The following MKLN1 variants were observed in gnomAD, a reference collection of about 807,000 sequenced individuals.
MKLN1 encodes muskelin.
MKLN1 carries 18 observed loss-of-function variants against 99.0 expected under a neutral mutation model. The ratio of observed to expected loss-of-function variants is 0.18; its 90% CI spans 0.13 to 0.27. MKLN1 has a LOEUF of 0.27. Among genes scored for constraint, MKLN1 ranks in the 10% least tolerant of loss-of-function variants. The pLI, the probability that MKLN1 is intolerant of heterozygous loss-of-function variation, is 1.00. For missense variants in MKLN1, 621 were observed against 875.9 expected (o/e 0.71, Z 3.67); for synonymous variants, 288 against 293.2 (o/e 0.98, Z 0.18).
At position 131,496,066 on chromosome 7, in the gene MKLN1, C is replaced by T. The variant is rs1797550056; in HGVS notation, c.*8338C>T. The T allele has an allele frequency of 6.6e-6, 1 of 151,066 alleles. No homozygotes were observed. Among genetic ancestry groups the T allele is most frequent in the Non-Finnish European group, 1.5e-5 (1 of 67,962 alleles). 9.4% of individuals were successfully genotyped at this position (151,066 alleles called of 1,614,324 possible). On this transcript the variant is annotated 3_prime_UTR_variant, in exon 18 of 18. Transcript: ENST00000352689. ...TTACCACGTTTAAGCAAATGTCTCT[C>T]AAAAAAAATTGTATTTCTGTGCACA...
intron 3 of MKLN1, chr7:131,310,566 C>CTG (rs1019811267): frequency 5.3e-5 from 8 of 152,206 alleles, no homozygotes; most frequent in Admixed American, 2.0e-4. Context: ...GTTCCCAGGC[C>CTG]TGTCAGAAAG....
At chr7:131,479,867 T>C (rs1797070506) in intron 17 of MKLN1, among the ~76,000 whole-genome samples, 1 of 137,336 alleles carries the variant, frequency 7.3e-6, no homozygotes, top group Admixed American at 7.3e-5. Flanking sequence ...AATAAATAAA[T>C]AAATAAATCA....
chr7:131,279,950 C>G (rs1325454507), intron 3 of MKLN1, among the ~76,000 whole-genome samples: 2 of 152,160 alleles, frequency 1.3e-5, no homozygotes, highest in Non-Finnish European at 1.5e-5. Context: ...GCAGCCATTC[C>G]TTGTTCCCAT....
At chr7:131,376,298 C>A (rs1584669832) in intron 2 of MKLN1, among the ~76,000 whole-genome samples, 1 of 144,938 alleles carries the variant, frequency 6.9e-6, no homozygotes, top group Admixed American at 7.0e-5. Flanking sequence ...CGAGGCTAGG[C>A]GTTCGAGGCT....
chr7:131,465,396 TTAATG>T (rs1245962561), intron 14 of MKLN1, among the ~76,000 whole-genome samples: 2 of 152,206 alleles, frequency 1.3e-5, no homozygotes, highest in Non-Finnish European at 2.9e-5. Context: ...AGATAATTGA[TTAATG>T]TAATAGTGAA....
At chr7:131,202,878 T>C (rs960792038) in exon 3 of MKLN1, 16 of 152,222 alleles carry the variant, frequency 1.1e-4, no homozygotes, top group African/African-American at 3.9e-4. Context: ...GAAATGTTTC[T>C]TGATGAATGT....
At chr7:131,201,941 C>T (rs1796733735) in intron 2 of MKLN1, among the ~76,000 whole-genome samples, 1 of 152,136 alleles carries the variant, frequency 6.6e-6, no homozygotes, top group South Asian at 2.1e-4. Flanking sequence ...ATGCTTTATT[C>T]AGCACCTGTC....
At chr7:131,276,945 G>A (rs775652349) in intron 3 of MKLN1, among the ~76,000 whole-genome samples, 1 of 152,114 alleles carries the variant, frequency 6.6e-6, no homozygotes, top group Non-Finnish European at 1.5e-5. Context: ...CTTCCACACA[G>A]CAGCCTCACT....
At chr7:131,296,765 C>A (rs565104315) in intron 3 of MKLN1, among the ~76,000 whole-genome samples, 26 of 152,254 alleles carry the variant, frequency 1.7e-4, no homozygotes, top group African/African-American at 6.0e-4. Flanking sequence ...GAGATGAAGT[C>A]TCACTCTGTC....
chr7:131,404,598 T>TTTTTC (rs1170397467), intron 6 of MKLN1, among the ~76,000 whole-genome samples: 1 of 152,218 alleles, frequency 6.6e-6, no homozygotes, highest in South Asian at 2.1e-4. Flanking sequence ...TTGTTTTCTC[T>TTTTTC]TTTTCTTTTC....
intron 3 of MKLN1, among the ~76,000 whole-genome samples, chr7:131,231,229 G>A (rs1214228159): frequency 3.3e-5 from 5 of 151,642 alleles, no homozygotes; most frequent in Admixed American, 1.3e-4. Context: ...AGGAGGGACA[G>A]TTAGCATGTC....
At chr7:131,341,627 G>A (rs1799410586) in intron 1 of MKLN1, among the ~76,000 whole-genome samples, 1 of 152,240 alleles carries the variant, frequency 6.6e-6, no homozygotes, top group Non-Finnish European at 1.5e-5. Context: ...CTGACTTTGT[G>A]CAAGGCAGTT....
At chr7:131,141,584 C>T (rs1795734495) in intron 1 of MKLN1, among the ~76,000 whole-genome samples, 1 of 152,194 alleles carries the variant, frequency 6.6e-6, no homozygotes, top group Non-Finnish European at 1.5e-5. Context: ...TTTTAGTACT[C>T]ACATACTCAG....
intron 3 of MKLN1, among the ~76,000 whole-genome samples, chr7:131,209,474 G>A (rs76518365): frequency 0.016 from 2,361 of 152,264 alleles, 58 homozygotes; most frequent in African/African-American, 0.054. Context: ...GGGACTTTCC[G>A]ATGGCTTGTA....
intron 3 of MKLN1, among the ~76,000 whole-genome samples, chr7:131,277,316 T>C (rs1302529254): frequency 6.6e-6 from 1 of 151,730 alleles, no homozygotes; most frequent in Non-Finnish European, 1.5e-5. Context: ...GGAGTTTTGC[T>C]CTTGTTGCCC....
chr7:131,414,623 G>T (rs1271915431), intron 7 of MKLN1, 22 bp from the exon 8 acceptor site: 9 of 1,553,692 alleles, frequency 5.8e-6, no homozygotes, highest in Non-Finnish European at 7.1e-6. Flanking sequence ...TCCTTTAAAA[G>T]AAACTATTAT....
chr7:131,465,628 C>T (rs1458645454), intron 14 of MKLN1, among the ~76,000 whole-genome samples: 1 of 151,954 alleles, frequency 6.6e-6, no homozygotes, highest in Non-Finnish European at 1.5e-5. Context: ...AAGCTCTGCC[C>T]CCTGGGTTCA....
intron 13 of MKLN1, among the ~76,000 whole-genome samples, chr7:131,463,805 G>GC (rs1796585075): frequency 6.6e-6 from 1 of 152,176 alleles, no homozygotes; most frequent in South Asian, 2.1e-4. Context: ...TTTGCTTTGG[G>GC]AAAACATGGA....
At chr7:131,247,235 C>CTTTTTTTTTTTTTTTTTTTTTTTT (rs72068521) in intron 3 of MKLN1, among the ~76,000 whole-genome samples, 3 of 141,146 alleles carry the variant, frequency 2.1e-5, no homozygotes, top group East Asian at 2.1e-4. Flanking sequence ...TTTCTTTTTT[C>CTTTTTTTTTTTTTTTTTTTTTTTT]TTTTTTTTTT....
Sources: gnomAD v4.1 joint callset for allele counts (sites outside exome capture counted in the v4.1 genomes callset) on GRCh38, gnomAD v4.1.1 for gene constraint, MANE v1.5 for transcripts, NCBI Gene and HGNC (gene_info 2026-07-23, HGNC 2026-07-21) for gene names.